TASOR: variants seen among roughly 807,000 people sequenced by gnomAD.
TASOR encodes transcription activation suppressor, also known as protein TASOR.
TASOR carries 53 observed loss-of-function variants against 178.6 expected under a neutral mutation model. That is an observed-to-expected ratio of 0.30 (90% CI 0.24 to 0.37). The LOEUF is 0.37. TASOR is among the 10% of genes least tolerant of loss of function. TASOR has a pLI of 1.00. For synonymous variants in TASOR, 713 were observed against 696.2 expected (o/e 1.02, Z -0.38); for missense variants, 1,815 against 1,971.4 (o/e 0.92, Z 1.50).
rs770320036 is a variant in TASOR, at chr3:56,627,707, CAG to C, written c.3903_3904del (p.Val1303Ter). The C allele has an allele frequency of 6.2e-7, 1 of 1,614,036 alleles. No homozygotes were observed. Among genetic ancestry groups the C allele is most frequent in the Non-Finnish European group, 8.5e-7 (1 of 1,179,976 alleles). On this transcript the variant is annotated frameshift_variant, in exon 20 of 24. Coordinates refer to ENST00000683822, the MANE Select transcript of TASOR (RefSeq NM_001365635.2). LOFTEE classifies it high-confidence loss of function. ...GCTATCAACACCAGCAAAACTAACA[CAG>C]GGGAGCTTCTTTAAAGTCACCAAGC...
chr3:56,666,436 C>T (rs2029981300), intron 6 of TASOR, 52 bp from the exon 7 acceptor site: 1 of 1,343,836 alleles, frequency 7.4e-7, no homozygotes, highest in African/African-American at 1.5e-5. Context: ...AAGGTGAAAC[C>T]TTATATTTAA....
intron 11 of TASOR, among the ~76,000 whole-genome samples, 199 bp from the exon 12 acceptor site, chr3:56,649,256 GT>G (rs2077300104): frequency 6.6e-6 from 1 of 151,960 alleles, no homozygotes; most frequent in African/African-American, 2.4e-5. Flanking sequence ...AAATTCCTTG[GT>G]TTTCATAACA....
At position 56,623,439 on chromosome 3, in the gene TASOR, A is replaced by G. The variant is rs771186607; in HGVS notation, c.4611T>C (p.Arg1537=). 6 of 1,613,564 alleles carry G rather than the reference A, an allele frequency of 3.7e-6. No individual in the cohort carries two copies. In the East Asian group the frequency reaches 1.3e-4, roughly 36 times the overall value. Residue 1537 remains arginine (R), a synonymous_variant, in exon 24 of 24, where the codon CGT becomes CGC. Coordinates refer to ENST00000683822, the MANE Select transcript of TASOR (RefSeq NM_001365635.2). ...EIWEKETKGS[R]GTDQKKNTQI... is the part of the protein sequence containing the mutation. ...GAGTATTCTTTTTTTGATCTGTTCC[A>G]CGTGATCCTTTGGTCTCTTTCTCCC...
chr3:56,683,078 GC>G lies in TASOR; in HGVS notation c.-73del. 3 of 1,413,190 alleles carry G rather than the reference GC, an allele frequency of 2.1e-6. No individual in the cohort carries two copies. Among genetic ancestry groups the G allele is most frequent in the South Asian group, 1.5e-5 (1 of 68,430 alleles). 87.5% of individuals were successfully genotyped at this position (1,413,190 alleles called of 1,614,324 possible). ...CGGGTGTGGGGGGAAGGGGCGGCGG[GC>G]CAGTCTCGCCGCCGAGCTGCTCTCA... is the stretch of plus-strand genomic sequence containing the variant. On this transcript the variant is annotated 5_prime_UTR_variant, in exon 1 of 24. Coordinates refer to ENST00000683822, the MANE Select transcript of TASOR (RefSeq NM_001365635.2).
At chr3:56,658,735 C>G (rs1032640586) in intron 11 of TASOR, among the ~76,000 whole-genome samples, 1 of 152,050 alleles carries the variant, frequency 6.6e-6, no homozygotes, top group Non-Finnish European at 1.5e-5. Context: ...GATAAAACCC[C>G]GTCTCTACTA....
At chr3:56,627,845 C>T in intron 19 of TASOR, 104 bp from the exon 20 acceptor site, 3 of 959,336 alleles carry the variant, frequency 3.1e-6, no homozygotes, top group Non-Finnish European at 4.7e-6. Context: ...CATTATGGCT[C>T]ATCTATATTA....
rs1294243104 is a variant in TASOR at position 56,646,670 on chromosome 3, C to G, written c.2067G>C (p.Gln689His). 1 of 1,613,682 alleles carries G rather than the reference C, an allele frequency of 6.2e-7. No individual in the cohort carries two copies. Among genetic ancestry groups the G allele is most frequent in the African/African-American group, 1.3e-5 (1 of 74,930 alleles). The change falls in exon 14 of 24, where the codon CAG becomes CAC. Residue 689 changes from glutamine to histidine, a missense_variant. Gln to His is a conservative substitution (Grantham distance 24). Transcript: ENST00000683822. ...CCCCACCCACACTCTTTTTCCTACA[C>G]TGAATTAAATTAATCAATTCTTTGA... is the stretch of plus-strand genomic sequence containing the variant. ...DRVKELINLI[Q>H]CRKKSVGGDS... is the part of the protein sequence containing the mutation.
chr3:56,629,109 G>C (rs1052963022), intron 18 of TASOR: 1 of 152,404 alleles, frequency 6.6e-6, no homozygotes, highest in Non-Finnish European at 1.5e-5. Context: ...GGAATCTAAA[G>C]GTCAGAGCTT....
rs1242646506 is a variant in TASOR at position 56,623,299 on chromosome 3, C to T, written c.4751G>A (p.Ser1584Asn). Residue 1584 changes from serine (S) to asparagine (N), a missense_variant, in exon 24 of 24, where the codon AGC (serine) becomes AAC (asparagine). This residue lies in a region of TASOR where 278 missense variants were observed against 257.1 expected (regional missense o/e 1.08). Transcript: ENST00000683822. The stretch of plus-strand genomic sequence containing the variant: ...ATATGAATCTTGTTCTGTTGAATTG[C>T]TGTTCTCTCCTTCAGAGCATACTAT... ...IDIVCSEGEN[S>N]NSTEQDSYSN... is the part of the protein sequence containing the mutation. The T allele has an allele frequency of 1.2e-6, 2 of 1,613,348 alleles. No individual in the cohort carries two copies. Among genetic ancestry groups the T allele is most frequent in the East Asian group, 4.5e-5 (2 of 44,854 alleles).
At chr3:56,660,470 A>G (rs1011249763) in intron 11 of TASOR, among the ~76,000 whole-genome samples, 2 of 145,722 alleles carry the variant, frequency 1.4e-5, no homozygotes, top group Admixed American at 6.9e-5. Flanking sequence ...CATCCTGGTG[A>G]GACAGCAAGA....
chr3:56,625,051 T>C, intron 21 of TASOR, 45 bp from the exon 22 acceptor site: 1 of 1,565,322 alleles, frequency 6.4e-7, no homozygotes, highest in Non-Finnish European at 8.7e-7. Context: ...ACTTCTAAAA[T>C]TTAGTATGGA....
chr3:56,673,705 G>T lies in TASOR; in HGVS notation c.352C>A (p.Pro118Thr), dbSNP rs2030978462. The change falls in exon 2 of 24, where the codon CCA becomes ACA. Residue 118 changes from proline (P) to threonine (T), a missense_variant. Physicochemically the swap from Pro to Thr is conservative, Grantham distance 38. Around this residue, in one of 5 missense-constraint regions of TASOR, gnomAD observed 244 missense variants for 202.7 expected, o/e 1.20. Transcript: ENST00000683822. ...EKKALFQPLT[P>T]GSREFEDVVN... ...ACATCTTCAAATTCTCGAGAGCCTG[G>T]AGTTAATGGCTGGAAAAGTGCTAAA... 2 of 1,547,766 alleles carry T rather than the reference G, an allele frequency of 1.3e-6. No individual in the cohort carries two copies. Among genetic ancestry groups the T allele is most frequent in the Non-Finnish European group, 1.7e-6 (2 of 1,145,904 alleles).
chr3:56,629,918 G>C (rs1304493191), intron 18 of TASOR, among the ~76,000 whole-genome samples: 1 of 151,856 alleles, frequency 6.6e-6, no homozygotes, highest in African/African-American at 2.4e-5. Context: ...TCTCAGACCA[G>C]CTTAGTCAGT....
chr3:56,663,553 C>T lies in TASOR; in HGVS notation c.1042G>A (p.Asp348Asn). 4.2e-6 allele frequency: 5 copies of T among 1,182,968 alleles called. No individual in the cohort carries two copies. The highest frequency in any genetic ancestry group is 5.7e-6 in the Non-Finnish European group (5 of 880,754). 73.3% of individuals were successfully genotyped at this position (1,182,968 alleles called of 1,614,324 possible). A position where few individuals can be genotyped will look rare whatever the true frequency, so the allele number is the denominator to read the frequency against. ...PSSRSNSFNT[D>N]RNIDKYNYTL... ...ATAAATCTCTTACCTATGTTTCTATCTGTATTAAAGCTGTTAGATCTACAA... is the reference window on the plus strand; with the variant it reads ...ATAAATCTCTTACCTATGTTTCTATTTGTATTAAAGCTGTTAGATCTACAA... The change falls in exon 8 of 24, where the codon GAT becomes AAT. Residue 348 changes from aspartate (D) to asparagine (N), a missense_variant. Asp to Asn is a conservative substitution (Grantham distance 23). Coordinates refer to ENST00000683822, the MANE Select transcript of TASOR (RefSeq NM_001365635.2).
rs1405391970 is a variant in TASOR, at chr3:56,641,704, C to T, written c.2264G>A (p.Arg755Gln). 1.5e-5 allele frequency: 25 copies of T among 1,614,110 alleles called. No homozygotes were observed. Among genetic ancestry groups the T allele is most frequent in the South Asian group, 3.3e-5 (3 of 91,070 alleles). The change falls in exon 15 of 24, where the codon CGG becomes CAG. Residue 755 changes from arginine to glutamine, a missense_variant. Arg to Gln is a conservative substitution (Grantham distance 43). Transcript: ENST00000683822. Reference sequence around the variant, plus strand: ...GGAGTTACAGGTATCCTGCTGCTGCCGCCTCAAGTCAGCATCATGTCCAAG... The same window carrying T: ...GGAGTTACAGGTATCCTGCTGCTGCTGCCTCAAGTCAGCATCATGTCCAAG... ...GSLGHDADLRRQQQDTCNSGI... is the reference protein window; with the variant it reads ...GSLGHDADLRQQQQDTCNSGI...
At chr3:56,623,840 G>A in intron 23 of TASOR, 1 of 1,550,376 alleles carries the variant, frequency 6.5e-7, no homozygotes, top group Non-Finnish European at 8.7e-7. Context: ...TGTCAAAACA[G>A]CATCTAAAGT....
intron 14 of TASOR, among the ~76,000 whole-genome samples, chr3:56,646,299 T>A (rs1343449555): frequency 1.3e-5 from 2 of 152,214 alleles, no homozygotes; most frequent in Non-Finnish European, 2.9e-5. Flanking sequence ...ATTTTAGGCT[T>A]TGTGGGCCAT....
chr3:56,665,886 G>A (rs554650842), intron 7 of TASOR, among the ~76,000 whole-genome samples: 5 of 152,042 alleles, frequency 3.3e-5, no homozygotes, highest in African/African-American at 7.2e-5. Flanking sequence ...GCAGAATGGC[G>A]TGAACCCGGG....
Position 56,621,608 on chromosome 3 carries a change from C to G in TASOR, c.*1429G>C, listed in dbSNP as rs568230372. ...GAAAATCAAGAAGAGAGTTTTGGTT[C>G]TTCATTTTAAATGTAGAAAATCAAA... is the stretch of plus-strand genomic sequence containing the variant. On this transcript the variant is annotated 3_prime_UTR_variant, in exon 24 of 24. Coordinates refer to ENST00000683822, the MANE Select transcript of TASOR (RefSeq NM_001365635.2). 6.3e-7 allele frequency: 1 copy of G among 1,595,276 alleles called. No individual in the cohort carries two copies. The highest frequency in any genetic ancestry group is 2.2e-5 in the East Asian group (1 of 44,534).
Sources: allele counts gnomAD v4.1 joint callset (sites outside exome capture counted in the v4.1 genomes callset), GRCh38; gene constraint gnomAD v4.1.1; regional missense constraint gnomAD v4.1.1; transcripts MANE v1.5; gene names NCBI Gene and HGNC (gene_info 2026-07-23, HGNC 2026-07-21).